Variants in HADH observed in about 807,000 individuals in gnomAD.
HADH encodes the protein hydroxyacyl-CoA dehydrogenase, also known as hydroxyacyl-coenzyme A dehydrogenase, mitochondrial.
A neutral mutation model predicts 32.2 loss-of-function variants in HADH; 24 were observed. The ratio of observed to expected loss-of-function variants is 0.75; its 90% confidence interval spans 0.54 to 1.05. The LOEUF (loss-of-function observed/expected upper bound fraction) is 1.05, where lower values mean the gene tolerates loss of function less well. HADH is among the 50% of genes least tolerant of loss of function. The pLI is 0.00. For synonymous variants in HADH, 139 were observed against 152.5 expected, an observed-to-expected ratio of 0.91 and a Z score of 0.65; for missense variants, 350 against 397.1, an observed-to-expected ratio of 0.88 and a Z score of 1.01.
intron 1 of HADH, among the ~76,000 whole-genome samples, chr4:107,999,696 T>G (rs955582522): frequency 1.3e-5 from 2 of 152,214 alleles, no homozygotes; most frequent in Non-Finnish European, 2.9e-5. Flanking sequence ...ATCTCCCTTG[T>G]GCTAGACATC....
chr4:108,002,256 T>C (rs1032707468), intron 1 of HADH, among the ~76,000 whole-genome samples: 1 of 152,210 alleles, frequency 6.6e-6, no homozygotes, highest in Admixed American at 6.5e-5. Flanking sequence ...TATTTACAGC[T>C]GCTCCCCATC....
Position 108,014,715 on chromosome 4 carries a change from G to A in HADH, c.419+127G>A, listed in dbSNP as rs4956147. On this transcript the variant is annotated intron_variant, in intron 3 of 7. Transcript: ENST00000309522. ...TTTTGTTCCATGCCTATATTGTGTA[G>A]TGGTGAAGTCTGGGCTTTTAGTATA... is the stretch of plus-strand genomic sequence containing the variant. The A allele has an allele frequency of 0.91, 741,922 of 817,174 alleles. 338,584 individuals are homozygous for A. Among genetic ancestry groups the A allele is most frequent in the East Asian group, 0.97 (36,461 of 37,648 alleles). The allele number at this position is 817,174 out of a possible 1,614,324, so 50.6% of individuals were successfully genotyped here. A position where few individuals can be genotyped will look rare whatever the true frequency, so the allele number is the denominator to read the frequency against.
At position 108,019,502 on chromosome 4, in the gene HADH, A is replaced by T. The variant is rs538085330; in HGVS notation, c.420-38A>T. 86 of 1,599,466 alleles carry T rather than the reference A, an allele frequency of 5.4e-5. 2 individuals carry two copies. The South Asian group carries it at 9.4e-4, about 17-fold the overall frequency. On this transcript the variant is annotated intron_variant, in intron 3 of 7. Transcript: ENST00000309522. ...GAGTCATGCTGTTTTGAAAGAAGAG[A>T]TTCACTCTGATACTCCCACTATATT...
At chr4:108,015,481 G>A (rs562554539) in intron 3 of HADH, among the ~76,000 whole-genome samples, 1 of 152,234 alleles carries the variant, frequency 6.6e-6, no homozygotes, top group South Asian at 2.1e-4. Flanking sequence ...AGATTCTGAG[G>A]GGTCCCTCCC....
Position 108,034,845 on chromosome 4 carries a change from G to C in HADH, c.*488G>C, listed in dbSNP as rs1416177735. 1 of 261,386 alleles carries C rather than the reference G, an allele frequency of 3.8e-6. No individual in the cohort carries two copies. The highest frequency in any genetic ancestry group is 7.5e-6 in the Non-Finnish European group (1 of 133,382). 16.2% of individuals were successfully genotyped at this position (261,386 alleles called of 1,614,324 possible). A position where few individuals can be genotyped will look rare whatever the true frequency, so the allele number is the denominator to read the frequency against. On this transcript the variant is annotated 3_prime_UTR_variant, in exon 8 of 8. Coordinates refer to ENST00000309522, the MANE Select transcript of HADH (RefSeq NM_005327.7). Reference sequence around the variant, plus strand: ...AACATTTTACTACCTGCAGCTTTGAGTCTTGCCCTACATTTTGGGCATGAC... The same window carrying C: ...AACATTTTACTACCTGCAGCTTTGACTCTTGCCCTACATTTTGGGCATGAC...
In HADH at chr4:108,014,496, T is replaced by C. The variant is rs1285949095; in HGVS notation, c.327T>C (p.Val109=). 6.2e-6 allele frequency: 10 copies of C among 1,613,992 alleles called. No homozygotes were observed. The East Asian group carries it at 2.2e-4, about 36-fold the overall frequency. The change falls in exon 3 of 8, where the codon GTT becomes GTC. Residue 109 remains valine (V), a synonymous_variant. Coordinates refer to ENST00000309522, the MANE Select transcript of HADH (RefSeq NM_005327.7). ...CGACCAGCACGGATGCAGCCTCCGT[T>C]GTCCACAGCACAGACTTGGTGGTGG... ...TIATSTDAAS[V]VHSTDLVVEA...
intron 5 of HADH, chr4:108,027,094 G>T (rs1736092942): frequency 1.2e-5 from 2 of 171,862 alleles, no homozygotes; most frequent in South Asian, 2.8e-4. Context: ...CTCCACTGCA[G>T]TGTGCGCTGG....
rs147308426 is a variant in HADH, at chr4:107,995,621, A to G, written c.132+5557A>G. 2.0e-5 allele frequency among the ~76,000 whole-genome samples: 3 copies of G among 152,230 alleles called. No homozygotes were observed. In the East Asian group the frequency reaches 5.8e-4, roughly 29 times the overall value. On this transcript the variant is annotated intron_variant, in intron 1 of 7. Coordinates refer to ENST00000309522, the MANE Select transcript of HADH (RefSeq NM_005327.7). ...ATATGACACTTTATTCTGTTCAAAG[A>G]ATTTTGATTTATTTAATTTCATGTG...
chr4:108,030,988 ACAGTCCT>A (rs1301124753), intron 6 of HADH: 13 of 152,234 alleles, frequency 8.5e-5, no homozygotes, highest in Non-Finnish European at 1.9e-4. Flanking sequence ...TTGAAATAAA[ACAGTCCT>A]CAAGTGAGTC....
At chr4:108,013,059 A>C (rs6837149) in intron 2 of HADH, among the ~76,000 whole-genome samples, 131,907 of 152,184 alleles carry the variant, frequency 0.87, 58,042 homozygotes, top group East Asian at 0.97. Flanking sequence ...CAGCCTTTTG[A>C]GTAGCTGGGA....
chr4:107,997,659 T>A (rs747477660), intron 1 of HADH, among the ~76,000 whole-genome samples: 6 of 151,898 alleles, frequency 4.0e-5, no homozygotes, highest in Non-Finnish European at 8.8e-5. Flanking sequence ...CTTCAAATAT[T>A]TTTTTTTCCA....
chr4:108,004,412 A>G (rs966444657), intron 1 of HADH: 1 of 331,692 alleles, frequency 3.0e-6, no homozygotes, highest in Non-Finnish European at 5.9e-6. Context: ...ATCATTCAAA[A>G]GGAAGCATTT....
At chr4:107,990,193 G>A in intron 1 of HADH, 129 bp downstream of exon 1, 1 of 958,920 alleles carries the variant, frequency 1.0e-6, no homozygotes, top group Non-Finnish European at 1.5e-6. Context: ...GCGCCTCCCG[G>A]GTGTAGTTGA....
At chr4:108,020,952 A>T (rs1381463602) in intron 4 of HADH, among the ~76,000 whole-genome samples, 2 of 151,972 alleles carry the variant, frequency 1.3e-5, no homozygotes, top group African/African-American at 4.8e-5. Flanking sequence ...AATAATGACC[A>T]TTTTTTTTAG....
chr4:107,999,242 C>T (rs1036028749), intron 1 of HADH, among the ~76,000 whole-genome samples: 1 of 152,190 alleles, frequency 6.6e-6, no homozygotes, highest in African/African-American at 2.4e-5. Flanking sequence ...GACACATTCA[C>T]ATGTTGGAGT....
At chr4:108,007,787 A>G (rs1327942187) in intron 1 of HADH, among the ~76,000 whole-genome samples, 1 of 152,214 alleles carries the variant, frequency 6.6e-6, no homozygotes. Flanking sequence ...TCTAATATGT[A>G]CCAGGCATCA....
intron 5 of HADH, chr4:108,027,297 C>T (rs1736099696): frequency 8.6e-6 from 3 of 348,906 alleles, no homozygotes; most frequent in African/African-American, 4.2e-5. Flanking sequence ...GATTTATCTT[C>T]ACAACTTTGA....
intron 3 of HADH, 65 bp downstream of exon 3, chr4:108,014,653 ATTTTTTG>A (rs973948048): frequency 4.2e-6 from 6 of 1,430,818 alleles, no homozygotes; most frequent in African/African-American, 3.1e-5. Context: ...TTTCATTTTT[ATTTTTTG>A]TTTTTATAGA....
At chr4:108,028,616 T>C (rs1280610331) in intron 6 of HADH, 1 of 377,998 alleles carries the variant, frequency 2.6e-6, no homozygotes, top group African/African-American at 2.1e-5. Context: ...CTCTATGGTT[T>C]ATGGAAGCAA....
Sources: gnomAD v4.1 joint callset for allele counts (sites outside exome capture counted in the v4.1 genomes callset) on GRCh38, gnomAD v4.1.1 for gene constraint, MANE v1.5 for transcripts, NCBI Gene and HGNC (gene_info 2026-07-23, HGNC 2026-07-21) for gene names.